HIF3A: variants seen among roughly 807,000 people sequenced by gnomAD.
HIF3A encodes the protein hypoxia-inducible factor 3-alpha.
A neutral mutation model predicts 67.2 loss-of-function variants in HIF3A; 41 were observed. The ratio of observed to expected loss-of-function variants is 0.61; its 90% confidence interval spans 0.48 to 0.79. HIF3A has a LOEUF of 0.79. Among genes scored for constraint, HIF3A ranks in the 30% least tolerant of loss-of-function variants. The probability of loss-of-function intolerance (pLI) is 0.00; values close to 1 mark genes in which losing one functional copy is unlikely to be tolerated. For missense variants in HIF3A, 855 were observed against 898.0 expected (o/e 0.95, Z 0.61); for synonymous variants, 356 against 374.8 (o/e 0.95, Z 0.58).
At chr19:46,303,542 C>T (rs1220679871) in intron 1 of HIF3A, 11 of 1,391,200 alleles carry the variant, frequency 7.9e-6, no homozygotes, top group African/African-American at 1.5e-5. Flanking sequence ...AGCCAGCCCC[C>T]TCCCAGCAGG....
At chr19:46,302,955 GGGA>G (rs1968472536) in intron 1 of HIF3A, among the ~76,000 whole-genome samples, 1 of 152,202 alleles carries the variant, frequency 6.6e-6, no homozygotes, top group Non-Finnish European at 1.5e-5. Context: ...GGCAGAAACA[GGGA>G]GAAGAGCTAA....
At chr19:46,319,610 A>G (rs1291954211) in intron 8 of HIF3A, among the ~76,000 whole-genome samples, 3 of 152,244 alleles carry the variant, frequency 2.0e-5, no homozygotes, top group Non-Finnish European at 4.4e-5. Context: ...AGCCCTATGA[A>G]TTCTTCCTAT....
intron 6 of HIF3A, among the ~76,000 whole-genome samples, chr19:46,309,729 T>G (rs1937416208): frequency 6.6e-6 from 1 of 152,060 alleles, no homozygotes; most frequent in South Asian, 2.1e-4. Context: ...TTGTCCCTTT[T>G]CTTAAATGAG....
intron 8 of HIF3A, among the ~76,000 whole-genome samples, chr19:46,319,975 A>G (rs911497820): frequency 6.6e-6 from 1 of 152,228 alleles, no homozygotes; most frequent in African/African-American, 2.4e-5. Flanking sequence ...CACGCCTGTA[A>G]TCATAGCACT....
At chr19:46,305,118 A>G (rs529845465) in intron 2 of HIF3A, 127 bp from the exon 3 acceptor site, 222 of 1,355,270 alleles carry the variant, frequency 1.6e-4, no homozygotes, top group Non-Finnish European at 2.2e-4. Context: ...ATGTACCCCC[A>G]CTTCCTTGGG....
At chr19:46,338,943 G>A (rs564095152) in intron 14 of HIF3A, among the ~76,000 whole-genome samples, 3 of 151,912 alleles carry the variant, frequency 2.0e-5, no homozygotes, top group African/African-American at 7.2e-5. Context: ...GGGGAGACGG[G>A]TTGGTGTGGG....
At position 46,340,047 on chromosome 19, in the gene HIF3A, C is replaced by A; in HGVS notation, c.*425C>A. On this transcript the variant is annotated 3_prime_UTR_variant, in exon 15 of 15. Coordinates refer to ENST00000377670, the MANE Select transcript of HIF3A (RefSeq NM_152795.4). ...CGTGATCACATTTCCTTCTATCCTT[C>A]TTGTATTATTATTTTTATTTTTGTC... The A allele has an allele frequency of 6.0e-6, 1 of 166,276 alleles. No individual in the cohort carries two copies. Among genetic ancestry groups the A allele is most frequent in the Non-Finnish European group, 1.3e-5 (1 of 77,940 alleles). 10.3% of individuals were successfully genotyped at this position (166,276 alleles called of 1,614,324 possible).
chr19:46,298,296 C>A, intron 1 of HIF3A: 1 of 798,526 alleles, frequency 1.3e-6, no homozygotes, highest in Non-Finnish European at 1.8e-6. Flanking sequence ...TTTGGGCCAG[C>A]TGTCGTTCCG....
intron 8 of HIF3A, among the ~76,000 whole-genome samples, chr19:46,318,497 C>G (rs185333163): frequency 7.9e-6 from 1 of 126,330 alleles, no homozygotes; most frequent in Non-Finnish European, 1.6e-5. Context: ...TGCAGTGAGC[C>G]GAGATCGCAC....
chr19:46,331,855 C>CAAAAAA (rs532285027), intron 13 of HIF3A, among the ~76,000 whole-genome samples: 4,248 of 50,850 alleles, frequency 0.084, 100 homozygotes, highest in Non-Finnish European at 0.12. Flanking sequence ...AACTCCGTCT[C>CAAAAAA]AAAAAAAAAA....
At chr19:46,309,071 C>T in intron 5 of HIF3A, 80 bp from the exon 6 acceptor site, 1 of 1,226,350 alleles carries the variant, frequency 8.2e-7, no homozygotes, top group Non-Finnish European at 1.2e-6. Context: ...CTGATGGGCC[C>T]TCAGGACGCA....
chr19:46,334,681 A>G (rs573664011), intron 13 of HIF3A, among the ~76,000 whole-genome samples: 19 of 152,130 alleles, frequency 1.2e-4, no homozygotes, highest in Admixed American at 1.2e-3. Context: ...CTAAGTAACT[A>G]AGATTACAGG....
At chr19:46,313,918 T>TC (rs1370960091) in intron 8 of HIF3A, among the ~76,000 whole-genome samples, 1 of 152,038 alleles carries the variant, frequency 6.6e-6, no homozygotes, top group Non-Finnish European at 1.5e-5. Context: ...CCCCTCAGCC[T>TC]CCCAAAGTGT....
Position 46,331,377 on chromosome 19 carries a change from G to A in HIF3A, c.1830+104G>A, listed in dbSNP as rs1971205003. On this transcript the variant is annotated intron_variant, in intron 13 of 14. Coordinates refer to ENST00000377670, the MANE Select transcript of HIF3A (RefSeq NM_152795.4). ...CAGAGAGGGGCAGGGGCTGGTTGAGGGTCATACAGAAAGTCAGTGGGCCAG... is the reference window on the plus strand; with the variant it reads ...CAGAGAGGGGCAGGGGCTGGTTGAGAGTCATACAGAAAGTCAGTGGGCCAG... The A allele has an allele frequency of 4.6e-6, 4 of 875,948 alleles. No individual in the cohort carries two copies. The East Asian group carries it at 7.5e-5, about 17-fold the overall frequency. The allele number at this position is 875,948 out of a possible 1,614,324, so 54.3% of individuals were successfully genotyped here.
chr19:46,304,192 G>T, intron 2 of HIF3A, 104 bp downstream of exon 2: 6 of 1,032,852 alleles, frequency 5.8e-6, no homozygotes, highest in Non-Finnish European at 8.2e-6. Context: ...TTCTGACAAA[G>T]CCCCGCCCCC....
rs80226868 is a variant in HIF3A, at chr19:46,328,277, C to A, written c.1441-930C>A. Among the ~76,000 whole-genome samples, 689 of 152,352 alleles carry A rather than the reference C, an allele frequency of 4.5e-3. 4 individuals carry two copies. The highest frequency in any genetic ancestry group is 0.015 in the African/African-American group (632 of 41,578). ...GTAAAGACACTGCTATCACTCAGAA[C>A]ATTCCAGAGGTTTAGAGGTTAACTT... is the stretch of plus-strand genomic sequence containing the variant. On this transcript the variant is annotated intron_variant, in intron 11 of 14. Transcript: ENST00000377670.
At chr19:46,307,734 C>T (rs2005874) in intron 3 of HIF3A, among the ~76,000 whole-genome samples, 14,919 of 148,004 alleles carry the variant, frequency 0.1, 1,029 homozygotes, top group East Asian at 0.27. Flanking sequence ...GGCAACAGAG[C>T]GAGACTCCAT....
rs558881186 is a variant in HIF3A, at chr19:46,308,111, G to A, written c.364-110G>A. On this transcript the variant is annotated intron_variant, in intron 3 of 14. Coordinates refer to ENST00000377670, the MANE Select transcript of HIF3A (RefSeq NM_152795.4). ...ACAAATGGATGGATAAATGAATGGG[G>A]AGACTGGTGAAATCATCCAGGCTCA... 3.7e-5 allele frequency: 29 copies of A among 790,410 alleles called. No individual in the cohort carries two copies. The South Asian group carries it at 4.0e-4, about 11-fold the overall frequency. 49.0% of individuals were successfully genotyped at this position (790,410 alleles called of 1,614,324 possible).
intron 10 of HIF3A, among the ~76,000 whole-genome samples, chr19:46,323,724 G>A (rs1234637501): frequency 6.6e-6 from 1 of 152,164 alleles, no homozygotes; most frequent in Non-Finnish European, 1.5e-5. Flanking sequence ...CCACATGGCT[G>A]GGGAGGCCTC....
Sources: allele counts gnomAD v4.1 joint callset (sites outside exome capture counted in the v4.1 genomes callset), GRCh38; gene constraint gnomAD v4.1.1; transcripts MANE v1.5; gene names NCBI Gene and HGNC (gene_info 2026-07-23, HGNC 2026-07-21).